The following TRPV4 variants were observed in gnomAD, a reference collection of about 807,000 sequenced individuals.
The protein encoded by TRPV4 is OSM9-like transient receptor potential channel 4.
TRPV4 carries 58 observed loss-of-function variants against 84.1 expected under a neutral mutation model. The ratio of observed to expected loss-of-function variants is 0.69; its 90% CI spans 0.56 to 0.86. The LOEUF (loss-of-function observed/expected upper bound fraction) is 0.86. TRPV4 is among the 40% of genes least tolerant of loss of function. The probability of loss-of-function intolerance (pLI) is 0.00; values close to 1 mark genes in which losing one functional copy is unlikely to be tolerated. For synonymous variants in TRPV4, 489 were observed against 500.9 expected, an observed-to-expected ratio of 0.98 and a Z score of 0.32; for missense variants, 879 against 1,181.1, an observed-to-expected ratio of 0.74 and a Z score of 3.75.
At chr12:109,826,982 A>G (rs1392755052) in intron 1 of TRPV4, among the ~76,000 whole-genome samples, 1 of 152,106 alleles carries the variant, frequency 6.6e-6, no homozygotes, top group Non-Finnish European at 1.5e-5. Flanking sequence ...TGCCTGGAAC[A>G]GGTCCTGGCA....
At chr12:109,820,243 C>T (rs569143044) in intron 1 of TRPV4, among the ~76,000 whole-genome samples, 1 of 152,202 alleles carries the variant, frequency 6.6e-6, no homozygotes, top group South Asian at 2.1e-4. Context: ...CAGAAGGGCT[C>T]AGGAGTGGGC....
chr12:109,794,471 A>G lies in TRPV4; in HGVS notation c.1349T>C (p.Leu450Pro). 5 of 1,613,972 alleles carry G rather than the reference A, an allele frequency of 3.1e-6. No homozygotes were observed. Among genetic ancestry groups the G allele is most frequent in the Non-Finnish European group, 4.2e-6 (5 of 1,179,988 alleles). Residue 450 changes from leucine (L) to proline (P), a missense_variant, in exon 8 of 16, where the codon CTG becomes CCG. Leu to Pro is a moderately conservative substitution (Grantham distance 98). Coordinates refer to ENST00000261740, the MANE Select transcript of TRPV4 (RefSeq NM_021625.5). ...CAGTTCATTGATGGGCTCCACAGCC[A>G]GCATCTCGTGGCGGTTCTAAGAGAG... Reference protein sequence around the residue: ...NSKIENRHEMLAVEPINELLR... With the variant: ...NSKIENRHEMPAVEPINELLR...
chr12:109,803,481 C>T (rs1419698115), intron 3 of TRPV4, among the ~76,000 whole-genome samples: 3 of 152,000 alleles, frequency 2.0e-5, no homozygotes, highest in South Asian at 2.1e-4. Flanking sequence ...GAGAGGGTCT[C>T]GCTCTGTCAT....
At chr12:109,805,661 T>A (rs1891072947) in intron 3 of TRPV4, among the ~76,000 whole-genome samples, 1 of 152,162 alleles carries the variant, frequency 6.6e-6, no homozygotes, top group African/African-American at 2.4e-5. Context: ...GGACGTAGAC[T>A]AGGTCGAGGA....
At position 109,814,888 on chromosome 12, in the gene TRPV4, C is replaced by A. The variant is rs1297676882; in HGVS notation, c.-31-61G>T. ...GGCCAGGGGCGGGGGCTCCAGGAAG[C>A]CCCCTCCCACGTGGACAAGCAGCAG... is the stretch of plus-strand genomic sequence containing the variant. On this transcript the variant is annotated intron_variant, in intron 1 of 15. Coordinates refer to ENST00000261740, the MANE Select transcript of TRPV4 (RefSeq NM_021625.5). The surrounding 1 kb of genome is among the most constrained non-coding windows in gnomAD (Gnocchi z 5.4). The A allele has an allele frequency of 2.0e-5, 29 of 1,471,478 alleles. 1 individual carries two copies. The Admixed American group carries it at 5.5e-4, about 28-fold the overall frequency. 91.2% of individuals were successfully genotyped at this position (1,471,478 alleles called of 1,614,324 possible). A position where few individuals can be genotyped will look rare whatever the true frequency, so the allele number is the denominator to read the frequency against.
chr12:109,813,018 TAAG>T (rs1227618060), intron 2 of TRPV4, among the ~76,000 whole-genome samples: 1 of 150,476 alleles, frequency 6.6e-6, no homozygotes, highest in East Asian at 1.9e-4. Context: ...GATGTATAAA[TAAG>T]AAGATAAACA....
chr12:109,802,864 A>ATCCG (rs1890889154), intron 4 of TRPV4, 127 bp downstream of exon 4: 1 of 925,450 alleles, frequency 1.1e-6, no homozygotes, highest in African/African-American at 1.6e-5. Context: ...CCATCCATCC[A>ATCCG]TCCATTTGTC....
chr12:109,828,741 G>A (rs1892335223), intron 1 of TRPV4, among the ~76,000 whole-genome samples: 1 of 152,224 alleles, frequency 6.6e-6, no homozygotes, highest in Non-Finnish European at 1.5e-5. Context: ...GGACACCAGT[G>A]TCACTCAGAT....
At position 109,794,049 on chromosome 12, in the gene TRPV4, C is replaced by T. The variant is rs370900472; in HGVS notation, c.1492-27G>A. On this transcript the variant is annotated intron_variant, in intron 8 of 15. Transcript: ENST00000261740. ...TGGGGAGCAGCAAGGGCACACAGGT[C>T]GTCACCCAGCCCCTCCAACATCTGG... is the stretch of plus-strand genomic sequence containing the variant. 35 of 1,566,818 alleles carry T rather than the reference C, an allele frequency of 2.2e-5. No individual in the cohort carries two copies. The Admixed American group carries it at 2.8e-4, about 12-fold the overall frequency.
intron 4 of TRPV4, among the ~76,000 whole-genome samples, chr12:109,801,606 A>C (rs950964866): frequency 1.1e-4 from 16 of 152,160 alleles, no homozygotes; most frequent in African/African-American, 3.1e-4. Flanking sequence ...AGTCTTGGGC[A>C]GTTCTTTATA....
At chr12:109,785,125 G>T (rs1889609230) in intron 14 of TRPV4, among the ~76,000 whole-genome samples, 1 of 152,032 alleles carries the variant, frequency 6.6e-6, no homozygotes, top group Non-Finnish European at 1.5e-5. Flanking sequence ...AGGCTCAAGT[G>T]ATCCGCCCAC....
chr12:109,811,554 A>T (rs1390343748), intron 2 of TRPV4, among the ~76,000 whole-genome samples: 1 of 152,044 alleles, frequency 6.6e-6, no homozygotes, highest in Non-Finnish European at 1.5e-5. Context: ...GCTACCCAGG[A>T]GGCTGAGGCT....
chr12:109,806,099 C>A (rs1342614746), intron 3 of TRPV4, among the ~76,000 whole-genome samples: 1 of 152,222 alleles, frequency 6.6e-6, no homozygotes, highest in Non-Finnish European at 1.5e-5. Context: ...AGAGAGAAGC[C>A]CCGTCCTCCC....
At position 109,792,639 on chromosome 12, in the gene TRPV4, T is replaced by A. The variant is rs1890119428; in HGVS notation, c.1824+13A>T. On this transcript the variant is annotated intron_variant, in intron 11 of 15. Transcript: ENST00000261740. Reference sequence around the variant, plus strand: ...AGGAACACACGAGTCCAGAGGGTCCTCCCAGCCCGTACCTTCTGGATCATG... The same window carrying A: ...AGGAACACACGAGTCCAGAGGGTCCACCCAGCCCGTACCTTCTGGATCATG... 1.2e-6 allele frequency: 2 copies of A among 1,613,938 alleles called. No homozygotes were observed. The highest frequency in any genetic ancestry group is 2.2e-5 in the South Asian group (2 of 91,058).
chr12:109,803,462 T>G (rs1158584607), intron 3 of TRPV4, among the ~76,000 whole-genome samples: 2 of 152,150 alleles, frequency 1.3e-5, no homozygotes, highest in African/African-American at 4.8e-5. Flanking sequence ...AATATCCTTT[T>G]TTTTGAGAGA....
In TRPV4 at chr12:109,798,538, C is replaced by G. The variant is rs1890558060; in HGVS notation, c.1152+76G>C. 12 of 1,564,190 alleles carry G rather than the reference C, an allele frequency of 7.7e-6. No homozygotes were observed. In the South Asian group the frequency reaches 1.3e-4, roughly 18 times the overall value. Reference sequence around the variant, plus strand: ...GCATGCACGTATTAATAATGAATACCAGCAGCAGACCCTCGTGTGTGTGTG... The same window carrying G: ...GCATGCACGTATTAATAATGAATACGAGCAGCAGACCCTCGTGTGTGTGTG... On this transcript the variant is annotated intron_variant, in intron 6 of 15. Transcript: ENST00000261740. The surrounding 1 kb of genome is among the most constrained non-coding windows in gnomAD (Gnocchi z 5.0).
intron 1 of TRPV4, among the ~76,000 whole-genome samples, chr12:109,821,068 C>G (rs980614560): frequency 6.6e-6 from 1 of 152,218 alleles, no homozygotes; most frequent in Non-Finnish European, 1.5e-5. Context: ...TCATGGAAAC[C>G]CTGGCAAACA....
rs533622754 is a variant in TRPV4, at chr12:109,806,523, T to C, written c.559+1773A>G. Among the ~76,000 whole-genome samples the C allele has an allele frequency of 2.8e-3, 428 of 151,750 alleles. 2 individuals are homozygous for C. The highest frequency in any genetic ancestry group is 9.0e-3 in the African/African-American group (375 of 41,454). On this transcript the variant is annotated intron_variant, in intron 3 of 15. Transcript: ENST00000261740. ...CCCGGCCCCAGTAATTGTCTCCTGA[T>C]GGACACAATGATACTGCATCGTATT...
rs1038287578 is a variant in TRPV4, at chr12:109,793,641, CAGGAG to C, written c.1585-46_1585-42del. 5.2e-6 allele frequency: 8 copies of C among 1,532,796 alleles called. No individual in the cohort carries two copies. Among genetic ancestry groups the C allele is most frequent in the African/African-American group, 1.4e-5 (1 of 73,012 alleles). 94.9% of individuals were successfully genotyped at this position (1,532,796 alleles called of 1,614,324 possible). A position where few individuals can be genotyped will look rare whatever the true frequency, so the allele number is the denominator to read the frequency against. On this transcript the variant is annotated intron_variant, in intron 9 of 15. Transcript: ENST00000261740. The surrounding 1 kb of genome is among the most constrained non-coding windows in gnomAD (Gnocchi z 4.0). ...GGGCACGTGAAAGGGGTGGGGCCAGCAGGAGAGGAGAGGAGGAGAGAGGAGACAGA... is the reference window on the plus strand; with the variant it reads ...GGGCACGTGAAAGGGGTGGGGCCAGCAGGAGAGGAGGAGAGAGGAGACAGA...
Sources: allele counts gnomAD v4.1 joint callset (sites outside exome capture counted in the v4.1 genomes callset), GRCh38; gene constraint gnomAD v4.1.1; non-coding constraint Gnocchi (gnomAD v3.1); transcripts MANE v1.5; gene names NCBI Gene and HGNC (gene_info 2026-07-23, HGNC 2026-07-21).